COL8A1: variants seen among roughly 807,000 people sequenced by gnomAD.
The protein encoded by COL8A1 is collagen alpha-1(VIII) chain.
Under a neutral mutation model 42.7 loss-of-function variants are expected in COL8A1, and 21 were observed. The ratio of observed to expected loss-of-function variants is 0.49; its 90% CI spans 0.35 to 0.71. The LOEUF is 0.71. COL8A1 is among the 30% of genes least tolerant of loss of function. The probability of loss-of-function intolerance (pLI) is 0.01; values close to 1 mark genes in which losing one functional copy is unlikely to be tolerated. For synonymous variants in COL8A1, 367 were observed against 369.1 expected (o/e 0.99, Z 0.06); for missense variants, 788 against 962.4 (o/e 0.82, Z 2.40).
chr3:99,689,630 T>C (rs138806661), intron 1 of COL8A1, among the ~76,000 whole-genome samples: 1 of 152,348 alleles, frequency 6.6e-6, no homozygotes, highest in African/African-American at 2.4e-5. Context: ...GATACTACTT[T>C]AGCAATATGT....
At chr3:99,673,055 C>G (rs1938592385) in intron 1 of COL8A1, among the ~76,000 whole-genome samples, 2 of 152,170 alleles carry the variant, frequency 1.3e-5, no homozygotes, top group East Asian at 3.9e-4. Context: ...CCAGGACTGT[C>G]TCTGAACCAG....
intron 1 of COL8A1, among the ~76,000 whole-genome samples, chr3:99,683,661 A>G (rs988955810): frequency 1.3e-5 from 2 of 152,062 alleles, no homozygotes; most frequent in Non-Finnish European, 2.9e-5. Flanking sequence ...TAGGACCACA[A>G]GATTTCTTCC....
At chr3:99,689,899 C>T (rs116668907) in intron 1 of COL8A1, among the ~76,000 whole-genome samples, 1,784 of 152,296 alleles carry the variant, frequency 0.012, 34 homozygotes, top group African/African-American at 0.04. Flanking sequence ...ATGCTGAAAG[C>T]GGTCACACCC....
chr3:99,669,152 G>GTATATATATATATATATATAT (rs1559773196), intron 1 of COL8A1, among the ~76,000 whole-genome samples: 1 of 42,486 alleles, frequency 2.4e-5, no homozygotes, highest in Admixed American at 2.8e-4. Context: ...TATATAGAGG[G>GTATATATATATATATATATAT]AGAGAGAGAG....
chr3:99,659,012 C>G (rs887245286), intron 1 of COL8A1, among the ~76,000 whole-genome samples: 2 of 152,208 alleles, frequency 1.3e-5, no homozygotes, highest in African/African-American at 4.8e-5. Context: ...AGCCAGCATT[C>G]TAGGTGATTC....
intron 2 of COL8A1, among the ~76,000 whole-genome samples, chr3:99,770,242 G>A (rs145874230): frequency 6.6e-6 from 1 of 152,156 alleles, no homozygotes; most frequent in Non-Finnish European, 1.5e-5. Flanking sequence ...TTTCAGGACA[G>A]GTAGGTCAGA....
chr3:99,673,065 G>C (rs1490674772), intron 1 of COL8A1, among the ~76,000 whole-genome samples: 1 of 151,964 alleles, frequency 6.6e-6, no homozygotes, highest in East Asian at 1.9e-4. Flanking sequence ...CTCTGAACCA[G>C]ATTTTCTAGC....
chr3:99,757,609 C>T (rs1216650068), intron 2 of COL8A1, among the ~76,000 whole-genome samples: 2 of 152,166 alleles, frequency 1.3e-5, no homozygotes, highest in Non-Finnish European at 2.9e-5. Context: ...TATATCAGTT[C>T]ATTTACCTTT....
At chr3:99,665,768 G>T (rs1434247355) in intron 1 of COL8A1, among the ~76,000 whole-genome samples, 1 of 133,686 alleles carries the variant, frequency 7.5e-6, no homozygotes, top group Non-Finnish European at 1.5e-5. Context: ...TGCAACCTCC[G>T]CCTCCCGGGT....
intron 1 of COL8A1, among the ~76,000 whole-genome samples, chr3:99,733,568 G>T (rs1434536801): frequency 2.6e-5 from 4 of 152,110 alleles, no homozygotes; most frequent in South Asian, 2.1e-4. Flanking sequence ...TTTGGGTTGG[G>T]TCCAAGTCTT....
chr3:99,746,347 G>A (rs897939549), intron 2 of COL8A1, among the ~76,000 whole-genome samples: 1 of 152,104 alleles, frequency 6.6e-6, no homozygotes, highest in Non-Finnish European at 1.5e-5. Context: ...TATAGGACTC[G>A]TGGATATTAG....
intron 1 of COL8A1, among the ~76,000 whole-genome samples, chr3:99,724,397 G>A (rs1031629793): frequency 5.3e-5 from 8 of 152,052 alleles, no homozygotes; most frequent in African/African-American, 1.7e-4. Flanking sequence ...TCCTTCTCTT[G>A]TGTATAAATC....
chr3:99,745,326 C>A (rs1020014627), intron 2 of COL8A1, among the ~76,000 whole-genome samples: 2 of 152,046 alleles, frequency 1.3e-5, no homozygotes, highest in African/African-American at 2.4e-5. Flanking sequence ...GACTAGGTAT[C>A]CAAATGTTCA....
At chr3:99,643,230 C>T (rs1341862878) in intron 1 of COL8A1, among the ~76,000 whole-genome samples, 1 of 152,172 alleles carries the variant, frequency 6.6e-6, no homozygotes, top group Non-Finnish European at 1.5e-5. Flanking sequence ...GCTGAGCATT[C>T]CGTAGGCACT....
chr3:99,654,016 C>G (rs1370730145), intron 1 of COL8A1, among the ~76,000 whole-genome samples: 2 of 152,134 alleles, frequency 1.3e-5, no homozygotes, highest in African/African-American at 4.8e-5. Context: ...GGGAGGCGGA[C>G]AGTGCAGCCT....
intron 1 of COL8A1, among the ~76,000 whole-genome samples, chr3:99,661,642 C>A (rs944643875): frequency 6.6e-6 from 1 of 152,096 alleles, no homozygotes; most frequent in Non-Finnish European, 1.5e-5. Flanking sequence ...GAACTGAAAG[C>A]GAGGTCTCCA....
intron 1 of COL8A1, among the ~76,000 whole-genome samples, chr3:99,685,802 A>G (rs1424745366): frequency 2.0e-5 from 3 of 152,222 alleles, no homozygotes; most frequent in Admixed American, 2.0e-4. Context: ...TAGTTTATTT[A>G]CCATGGCAGT....
At chr3:99,756,797 A>T (rs182495311) in intron 2 of COL8A1, among the ~76,000 whole-genome samples, 1 of 152,322 alleles carries the variant, frequency 6.6e-6, no homozygotes, top group African/African-American at 2.4e-5. Context: ...TTGGGGATAC[A>T]AACGTCTTAG....
At chr3:99,639,880 AAGAAG>A in intron 1 of COL8A1, among the ~76,000 whole-genome samples, 1 of 152,366 alleles carries the variant, frequency 6.6e-6, no homozygotes, top group Non-Finnish European at 1.5e-5. Context: ...TTCTTAAAGT[AAGAAG>A]AGAAATGTTT....
Sources: allele counts gnomAD v4.1 joint callset (sites outside exome capture counted in the v4.1 genomes callset), GRCh38; gene constraint gnomAD v4.1.1; transcripts MANE v1.5; gene names NCBI Gene and HGNC (gene_info 2026-07-23, HGNC 2026-07-21).